The following ATP9A variants were observed in gnomAD, a reference collection of about 807,000 sequenced individuals.
ATP9A encodes the protein ATPase phospholipid transporting 9A, also known as probable phospholipid-transporting ATPase IIA.
In ATP9A, 52 loss-of-function variants were observed where a neutral mutation model predicts 144.1. That is an observed-to-expected ratio of 0.36 (90% CI 0.29 to 0.45). ATP9A has a LOEUF of 0.45. Ranked by LOEUF, ATP9A falls within the 20% of genes least tolerant of loss-of-function variation. The probability of loss-of-function intolerance (pLI) is 1.00; values close to 1 mark genes in which losing one functional copy is unlikely to be tolerated. For missense variants in ATP9A, 947 were observed against 1,392.7 expected, an observed-to-expected ratio of 0.68 and a Z score of 5.09; for synonymous variants, 582 against 557.4, an observed-to-expected ratio of 1.04 and a Z score of -0.62.
At chr20:51,620,390 TA>T (rs1298128756) in intron 19 of ATP9A, among the ~76,000 whole-genome samples, 1 of 152,208 alleles carries the variant, frequency 6.6e-6, no homozygotes, top group African/African-American at 2.4e-5. Context: ...AACACTGAAT[TA>T]GCAAATACTA....
At chr20:51,610,760 G>A (rs567017754) in intron 23 of ATP9A, among the ~76,000 whole-genome samples, 1 of 152,300 alleles carries the variant, frequency 6.6e-6, no homozygotes, top group East Asian at 1.9e-4. Context: ...TACAGAAAAA[G>A]AGCCTCTGAA....
At chr20:51,717,678 G>A (rs537969111) in intron 3 of ATP9A, among the ~76,000 whole-genome samples, 24 of 152,230 alleles carry the variant, frequency 1.6e-4, no homozygotes, top group Admixed American at 1.4e-3. Flanking sequence ...CATAATTGCC[G>A]AGTGTGGTGG....
chr20:51,675,901 A>AG (rs571326657), intron 10 of ATP9A, among the ~76,000 whole-genome samples: 11 of 151,022 alleles, frequency 7.3e-5, no homozygotes, highest in Non-Finnish European at 1.5e-4. Context: ...AAAAAAAAAA[A>AG]GGCACAAAAA....
At position 51,671,274 on chromosome 20, in the gene ATP9A, A is replaced by C. The variant is rs1439493375; in HGVS notation, c.1038-17T>G. 4 of 1,609,728 alleles carry C rather than the reference A, an allele frequency of 2.5e-6. No homozygotes were observed. On this transcript the variant is annotated splice_polypyrimidine_tract_variant and intron_variant, in intron 11 of 27. Coordinates refer to ENST00000338821, the MANE Select transcript of ATP9A (RefSeq NM_006045.3). The stretch of plus-strand genomic sequence containing the variant: ...ACACGCAAACTAGGCACAAAACCAG[A>C]GCAAACAGGCTAACAGGACAGATGT...
chr20:51,765,711 T>C (rs2077901016), intron 1 of ATP9A, among the ~76,000 whole-genome samples: 1 of 150,200 alleles, frequency 6.7e-6, no homozygotes, highest in Non-Finnish European at 1.5e-5. Context: ...ATCCCAGCAC[T>C]TTCGGAGGCC....
At chr20:51,767,413 C>A (rs1411693638) in intron 1 of ATP9A, among the ~76,000 whole-genome samples, 2 of 151,618 alleles carry the variant, frequency 1.3e-5, no homozygotes, top group Non-Finnish European at 2.9e-5. Flanking sequence ...TTCCCACCCC[C>A]GCCCCTCACG....
intron 4 of ATP9A, among the ~76,000 whole-genome samples, chr20:51,702,767 A>G (rs2077599452): frequency 6.6e-6 from 1 of 152,142 alleles, no homozygotes; most frequent in Non-Finnish European, 1.5e-5. Flanking sequence ...TTCTACGAAC[A>G]TTGTTGCAAA....
chr20:51,741,895 T>G (rs1001867067), intron 1 of ATP9A, among the ~76,000 whole-genome samples: 1 of 152,202 alleles, frequency 6.6e-6, no homozygotes, highest in Non-Finnish European at 1.5e-5. Context: ...CACCTTACAA[T>G]GCACAGACAA....
chr20:51,698,770 G>A (rs1211870869), intron 4 of ATP9A, among the ~76,000 whole-genome samples: 1 of 152,170 alleles, frequency 6.6e-6, no homozygotes, highest in Admixed American at 6.5e-5. Context: ...TGGGACAGGT[G>A]AATAGCTAAC....
At chr20:51,708,558 A>G (rs1263850205) in intron 4 of ATP9A, among the ~76,000 whole-genome samples, 1 of 152,142 alleles carries the variant, frequency 6.6e-6, no homozygotes, top group East Asian at 1.9e-4. Flanking sequence ...AATATGGCGA[A>G]ACCTCGTCTC....
chr20:51,767,057 G>A (rs757793847), intron 1 of ATP9A, among the ~76,000 whole-genome samples: 101 of 141,206 alleles, frequency 7.2e-4, no homozygotes, highest in South Asian at 1.4e-3. Context: ...CCCACAAAAT[G>A]GCCGCCAGCA....
chr20:51,753,310 T>C (rs372019548), intron 1 of ATP9A, among the ~76,000 whole-genome samples: 1 of 152,174 alleles, frequency 6.6e-6, no homozygotes, highest in African/African-American at 2.4e-5. Flanking sequence ...CTGGGCGTGG[T>C]GGTGTGCACC....
intron 20 of ATP9A, 25 bp downstream of exon 20, chr20:51,618,929 G>A: frequency 6.2e-7 from 1 of 1,612,582 alleles, no homozygotes; most frequent in Non-Finnish European, 8.5e-7. Flanking sequence ...TGGGAGGACT[G>A]GCTCTCAGGG....
At chr20:51,763,026 C>G (rs577519717) in intron 1 of ATP9A, among the ~76,000 whole-genome samples, 11 of 152,066 alleles carry the variant, frequency 7.2e-5, no homozygotes, top group Admixed American at 6.6e-5. Flanking sequence ...AACTGAAATT[C>G]TATTACACAA....
At chr20:51,721,210 G>A (rs1201634541) in intron 3 of ATP9A, among the ~76,000 whole-genome samples, 2 of 152,142 alleles carry the variant, frequency 1.3e-5, no homozygotes, top group African/African-American at 2.4e-5. Context: ...CCACAAGCAC[G>A]TCTACACCAA....
chr20:51,678,485 C>T lies in ATP9A; in HGVS notation c.800-2277G>A, dbSNP rs147022986. Among the ~76,000 whole-genome samples the T allele has an allele frequency of 1.5e-4, 23 of 152,288 alleles. No individual in the cohort carries two copies. In the East Asian group the frequency reaches 4.3e-3, roughly 28 times the overall value. On this transcript the variant is annotated intron_variant, in intron 9 of 27. Coordinates refer to ENST00000338821, the MANE Select transcript of ATP9A (RefSeq NM_006045.3). ...GGTCTAACACACTCAGCCAGGCAAA[C>T]AATGTTCTCCAGCACAATGCAGTTC...
chr20:51,743,842 A>G (rs1459389535), intron 1 of ATP9A, among the ~76,000 whole-genome samples: 2 of 151,388 alleles, frequency 1.3e-5, no homozygotes, highest in African/African-American at 4.8e-5. Context: ...CCCTGTCTCT[A>G]CTAAAAATAC....
intron 13 of ATP9A, among the ~76,000 whole-genome samples, chr20:51,663,409 A>T (rs2077419187): frequency 1.3e-5 from 2 of 150,550 alleles, no homozygotes; most frequent in South Asian, 4.2e-4. Flanking sequence ...TCTGCAAAAA[A>T]AACTTTCATA....
intron 27 of ATP9A, among the ~76,000 whole-genome samples, chr20:51,604,121 C>T (rs2077153889): frequency 6.6e-6 from 1 of 152,174 alleles, no homozygotes; most frequent in Non-Finnish European, 1.5e-5. Context: ...GCGTCTAGCA[C>T]CTCACCCCAT....
Sources: allele counts gnomAD v4.1 joint callset (sites outside exome capture counted in the v4.1 genomes callset), GRCh38; gene constraint gnomAD v4.1.1; transcripts MANE v1.5; gene names NCBI Gene and HGNC (gene_info 2026-07-23, HGNC 2026-07-21).